NEK11: variants seen among roughly 807,000 people sequenced by gnomAD.
NEK11 encodes the protein serine/threonine-protein kinase Nek11.
NEK11 carries 72 observed loss-of-function variants against 80.7 expected under a neutral mutation model. That is an observed-to-expected ratio of 0.89 (90% confidence interval 0.74 to 1.08). The LOEUF (loss-of-function observed/expected upper bound fraction) is 1.08. Ranked by LOEUF, NEK11 falls within the 50% of genes least tolerant of loss-of-function variation. The probability of loss-of-function intolerance (pLI) is 0.00; values close to 1 mark genes in which losing one functional copy is unlikely to be tolerated. For missense variants in NEK11, 764 were observed against 763.6 expected (o/e 1.00, Z -0.01); for synonymous variants, 251 against 260.7 (o/e 0.96, Z 0.36).
At chr3:131,340,406 TTAGATAGAG>T (rs1282915889) in intron 17 of NEK11, among the ~76,000 whole-genome samples, 2 of 152,206 alleles carry the variant, frequency 1.3e-5, no homozygotes, top group Non-Finnish European at 2.9e-5. Context: ...AGAGCCCTTA[TTAGATAGAG>T]ATAAATAATT....
intron 5 of NEK11, among the ~76,000 whole-genome samples, chr3:131,113,792 A>G (rs936410614): frequency 4.6e-5 from 7 of 151,730 alleles, no homozygotes; most frequent in Non-Finnish European, 7.4e-5. Context: ...GGCACCTGTA[A>G]TCCCAGCTAC....
intron 14 of NEK11, among the ~76,000 whole-genome samples, chr3:131,224,176 T>C (rs2095117976): frequency 6.6e-6 from 1 of 152,088 alleles, no homozygotes. Flanking sequence ...GTAATGCATA[T>C]ATTTATGTAC....
At chr3:131,333,319 T>C (rs2097126572) in intron 17 of NEK11, among the ~76,000 whole-genome samples, 1 of 152,298 alleles carries the variant, frequency 6.6e-6, no homozygotes, top group Middle Eastern at 3.4e-3. Context: ...TATTCAACAT[T>C]CTTAAAGAAA....
At chr3:131,286,265 G>C (rs1561376695) in intron 17 of NEK11, among the ~76,000 whole-genome samples, 1 of 152,198 alleles carries the variant, frequency 6.6e-6, no homozygotes, top group Non-Finnish European at 1.5e-5. Flanking sequence ...TTGGGGTGTA[G>C]GGGGCATGTG....
intron 5 of NEK11, among the ~76,000 whole-genome samples, chr3:131,125,290 A>T (rs1478973305): frequency 6.6e-6 from 1 of 152,196 alleles, no homozygotes; most frequent in East Asian, 1.9e-4. Context: ...GCTTAGTCAG[A>T]ATAAAGCTGG....
intron 17 of NEK11, among the ~76,000 whole-genome samples, chr3:131,322,246 C>G (rs1338654862): frequency 6.6e-6 from 1 of 152,054 alleles, no homozygotes; most frequent in Non-Finnish European, 1.5e-5. Context: ...GGAACAGAAA[C>G]CAGATACCAC....
At chr3:131,177,769 A>G (rs193035612) in intron 14 of NEK11, among the ~76,000 whole-genome samples, 1 of 152,234 alleles carries the variant, frequency 6.6e-6, no homozygotes, top group Non-Finnish European at 1.5e-5. Flanking sequence ...GTAAGTAGTT[A>G]TATTATAAAA....
intron 17 of NEK11, among the ~76,000 whole-genome samples, chr3:131,328,088 A>T (rs186087708): frequency 6.6e-6 from 1 of 152,072 alleles, no homozygotes; most frequent in Non-Finnish European, 1.5e-5. Context: ...GTTTGAGACC[A>T]GCCTGGGAAA....
chr3:131,237,713 T>C (rs1176891876), intron 15 of NEK11, among the ~76,000 whole-genome samples: 2 of 152,162 alleles, frequency 1.3e-5, no homozygotes, highest in African/African-American at 2.4e-5. Context: ...GAAATAAGCA[T>C]GTACTAAAGT....
chr3:131,135,980 G>A (rs577133654), intron 7 of NEK11, among the ~76,000 whole-genome samples: 1 of 151,610 alleles, frequency 6.6e-6, no homozygotes, highest in Non-Finnish European at 1.5e-5. Context: ...TTAAAAAATT[G>A]CTCCTACTAT....
intron 14 of NEK11, among the ~76,000 whole-genome samples, chr3:131,179,647 ATATTCT>A (rs1252498719): frequency 6.6e-6 from 1 of 152,174 alleles, no homozygotes; most frequent in Non-Finnish European, 1.5e-5. Flanking sequence ...TTCAAGTTTG[ATATTCT>A]TATTGGAAAA....
chr3:131,193,676 T>C (rs900887294), intron 14 of NEK11, among the ~76,000 whole-genome samples: 1 of 152,200 alleles, frequency 6.6e-6, no homozygotes, highest in Non-Finnish European at 1.5e-5. Flanking sequence ...TTCTACATTC[T>C]TACTGAGATT....
chr3:131,339,212 T>A lies in NEK11; in HGVS notation c.1719-10345T>A, dbSNP rs2110321915. On this transcript the variant is annotated intron_variant, in intron 17 of 17. Coordinates refer to ENST00000383366, the MANE Select transcript of NEK11 (RefSeq NM_024800.5). Reference sequence around the variant, plus strand: ...GGAGTGAAATTCATGACTCACAAAGTGTCTATTTTCTTCTGGCTTTTAAGT... The same window carrying A: ...GGAGTGAAATTCATGACTCACAAAGAGTCTATTTTCTTCTGGCTTTTAAGT... 2.6e-5 allele frequency among the ~76,000 whole-genome samples: 4 copies of A among 152,256 alleles called. No homozygotes were observed. The Middle Eastern group carries it at 0.014, about 518-fold the overall frequency.
At chr3:131,237,700 C>A (rs1026653403) in intron 15 of NEK11, among the ~76,000 whole-genome samples, 4 of 152,078 alleles carry the variant, frequency 2.6e-5, no homozygotes, top group Non-Finnish European at 5.9e-5. Context: ...TAATAGACAT[C>A]CTGAAATAAG....
intron 16 of NEK11, among the ~76,000 whole-genome samples, chr3:131,261,852 C>T (rs2095927627): frequency 6.6e-6 from 1 of 151,914 alleles, no homozygotes; most frequent in Non-Finnish European, 1.5e-5. Flanking sequence ...TTAACTCCCA[C>T]CTATTGAGCA....
chr3:131,304,310 G>A (rs889650315), intron 17 of NEK11, among the ~76,000 whole-genome samples: 4 of 152,070 alleles, frequency 2.6e-5, no homozygotes, highest in African/African-American at 9.7e-5. Flanking sequence ...TTCCTGTATT[G>A]TTTTATTGTA....
chr3:131,066,637 C>T (rs1266673916), intron 3 of NEK11, among the ~76,000 whole-genome samples: 1 of 151,864 alleles, frequency 6.6e-6, no homozygotes, highest in Non-Finnish European at 1.5e-5. Flanking sequence ...AGTTCAAGAC[C>T]AGCCTGGCCA....
At chr3:131,180,726 T>C (rs1002753363) in intron 14 of NEK11, among the ~76,000 whole-genome samples, 6 of 152,186 alleles carry the variant, frequency 3.9e-5, no homozygotes, top group Non-Finnish European at 8.8e-5. Flanking sequence ...TTATATTATA[T>C]ATCATTAATA....
chr3:131,196,509 A>T (rs1007002023), intron 14 of NEK11, among the ~76,000 whole-genome samples: 2 of 152,028 alleles, frequency 1.3e-5, no homozygotes, highest in Admixed American at 6.6e-5. Flanking sequence ...AGAATTGCCT[A>T]TTTAAAAATG....
Sources: allele counts gnomAD v4.1 joint callset (sites outside exome capture counted in the v4.1 genomes callset), GRCh38; gene constraint gnomAD v4.1.1; transcripts MANE v1.5; gene names NCBI Gene and HGNC (gene_info 2026-07-23, HGNC 2026-07-21).